Variants in HPD observed in about 807,000 individuals in gnomAD.
HPD encodes the protein 4-hydroxyphenylpyruvate dioxygenase.
In HPD, 35 loss-of-function variants were observed where a neutral mutation model predicts 56.9. The ratio of observed to expected loss-of-function variants is 0.62; its 90% CI spans 0.47 to 0.82. The LOEUF (loss-of-function observed/expected upper bound fraction) is 0.82. Ranked by LOEUF, HPD falls within the 40% of genes least tolerant of loss-of-function variation. The probability of loss-of-function intolerance (pLI) is 0.00; values close to 1 mark genes in which losing one functional copy is unlikely to be tolerated. For synonymous variants in HPD, 186 were observed against 200.2 expected (o/e 0.93, Z 0.60); for missense variants, 442 against 506.8 (o/e 0.87, Z 1.23).
intron 7 of HPD, among the ~76,000 whole-genome samples, chr12:121,853,967 A>G (rs1342502792): frequency 7.4e-6 from 1 of 135,110 alleles, no homozygotes; most frequent in Non-Finnish European, 1.6e-5. Context: ...AAAAAGAAAA[A>G]GGCCGGGCAC....
chr12:121,854,715 A>G lies in HPD; in HGVS notation c.402T>C (p.Ala134=). ...EQDKFGKVKF[A]VLQTYGDTTH... ...AAAGGGAACTCACCGTCTGCAGCAC[A>G]GCAAACTTCACCTTCCCAAACTTGT... The change falls in exon 7 of 14, where the codon GCT becomes GCC. Residue 134 remains alanine (A), a synonymous_variant. Coordinates refer to ENST00000289004, the MANE Select transcript of HPD (RefSeq NM_002150.3). The G allele has an allele frequency of 2.5e-6, 4 of 1,613,680 alleles. No homozygotes were observed. In the South Asian group the frequency reaches 4.4e-5, roughly 18 times the overall value.
the HPD span, among the ~76,000 whole-genome samples, chr12:121,885,295 G>A: frequency 6.6e-6 from 1 of 151,540 alleles, no homozygotes; most frequent in Middle Eastern, 3.2e-3. Flanking sequence ...TCTGCCTCCC[G>A]GATTCAAGTG....
Position 121,851,861 on chromosome 12 carries a change from T to C in HPD, c.415-2071A>G, listed in dbSNP as rs78333270. Among the ~76,000 whole-genome samples, 154 of 28,612 alleles carry C rather than the reference T, an allele frequency of 5.4e-3. 2 individuals carry two copies. Among genetic ancestry groups the C allele is most frequent in the Non-Finnish European group, 7.1e-3 (88 of 12,420 alleles). 18.8% of individuals were successfully genotyped at this position (28,612 alleles called of 152,430 possible). A position where few individuals can be genotyped will look rare whatever the true frequency, so the allele number is the denominator to read the frequency against. On this transcript the variant is annotated intron_variant, in intron 7 of 13. Coordinates refer to ENST00000289004, the MANE Select transcript of HPD (RefSeq NM_002150.3). ...AGTAGCTGGGACTACAGGCGCCCGC[T>C]ACCACGCCCGGCTACTTTTTTGTAT... is the stretch of plus-strand genomic sequence containing the variant.
In HPD at chr12:121,849,749, G is replaced by A; in HGVS notation, c.456C>T (p.Tyr152=). 6.2e-7 allele frequency: 1 copy of A among 1,614,004 alleles called. No homozygotes were observed. Among genetic ancestry groups the A allele is most frequent in the African/African-American group, 1.3e-5 (1 of 75,044 alleles). ...TTHTLVEKMN[Y]IGQFLPGYEA... is the part of the protein sequence containing the mutation. ...CATATCCAGGCAAGAATTGGCCGAT[G>A]TAGTTCATCTTCTCCACCAGGGTGT... Residue 152 remains tyrosine, a synonymous_variant, in exon 8 of 14, where the codon TAC becomes TAT. Coordinates refer to ENST00000289004, the MANE Select transcript of HPD (RefSeq NM_002150.3).
At chr12:121,858,077 C>T (rs953243952) in intron 2 of HPD, among the ~76,000 whole-genome samples, 14 of 152,150 alleles carry the variant, frequency 9.2e-5, no homozygotes, top group African/African-American at 3.4e-4. Context: ...TATGTTGCAG[C>T]AATATGGATT....
In HPD at chr12:121,847,183, A is replaced by G; in HGVS notation, c.628T>C (p.Trp210Arg). The change falls in exon 10 of 14, where the codon TGG (tryptophan) becomes CGG (arginine). Residue 210 changes from tryptophan to arginine, a missense_variant. By Grantham distance (101) the Trp-to-Arg change is moderately radical. Transcript: ENST00000289004. Reference protein sequence around the residue: ...YLKNLQFHRFWSVDDTQVHTE... With the variant: ...YLKNLQFHRFRSVDDTQVHTE... ...TGCACCTGCGTGTCATCCACGGACCAGAAGCGGTGGAACTGCAGGTTTTTC... is the reference window on the plus strand; with the variant it reads ...TGCACCTGCGTGTCATCCACGGACCGGAAGCGGTGGAACTGCAGGTTTTTC... The G allele has an allele frequency of 1.9e-6, 3 of 1,614,166 alleles. No individual in the cohort carries two copies. The highest frequency in any genetic ancestry group is 2.5e-6 in the Non-Finnish European group (3 of 1,180,008).
chr12:121,863,054 C>T (rs1166758166), upstream of HPD, among the ~76,000 whole-genome samples: 1 of 150,434 alleles, frequency 6.6e-6, no homozygotes, highest in African/African-American at 2.4e-5. Context: ...GTGATCTCTG[C>T]TCACTGCAAC....
At position 121,857,771 on chromosome 12, in the gene HPD, C is replaced by T. The variant is rs1239378501; in HGVS notation, c.79G>A (p.Gly27Ser). ...CCGGCTTCTACCTGCTTGGCGTTGC[C>T]AACCCAGAAGGTCACAGAGTGGAAG... ...LHFHSVTFWV[G>S]NAKQATSFYC... Residue 27 changes from glycine to serine, a missense_variant, in exon 3 of 14, where the codon GGC becomes AGC. By Grantham distance (56) the Gly-to-Ser change is moderately conservative. Transcript: ENST00000289004. The T allele has an allele frequency of 6.2e-7, 1 of 1,614,022 alleles. No homozygotes were observed. Among genetic ancestry groups the T allele is most frequent in the East Asian group, 2.2e-5 (1 of 44,868 alleles).
the HPD span, among the ~76,000 whole-genome samples, chr12:121,876,847 G>C: frequency 6.6e-6 from 1 of 152,092 alleles, no homozygotes. Context: ...TCTTTGGGAG[G>C]CTGAAGTGGG....
the HPD span, among the ~76,000 whole-genome samples, chr12:121,868,656 G>T: frequency 2.0e-5 from 3 of 151,828 alleles, no homozygotes; most frequent in Non-Finnish European, 2.9e-5. Context: ...AGTAGCCTGG[G>T]ATTACAGGCC....
At position 121,858,687 on chromosome 12, in the gene HPD, C is replaced by T; in HGVS notation, c.30G>A (p.Lys10=). 2 of 1,614,126 alleles carry T rather than the reference C, an allele frequency of 1.2e-6. No homozygotes were observed. The highest frequency in any genetic ancestry group is 1.7e-6 in the Non-Finnish European group (2 of 1,179,962). The change falls in exon 2 of 14, where the codon AAG becomes AAA. Residue 10 remains lysine, a splice_region_variant and synonymous_variant. Coordinates refer to ENST00000289004, the MANE Select transcript of HPD (RefSeq NM_002150.3). ...CATTTCCCACATTTCGCCTGCTTAC[C>T]TTTGCCCCTTTGTCACTGTAAGTCG... is the stretch of plus-strand genomic sequence containing the variant. The part of the protein sequence containing the change: MTTYSDKGA[K]PERGRFLHFH...
upstream of HPD, chr12:121,863,445 T>A (rs1189128927): frequency 6.6e-6 from 1 of 152,286 alleles, no homozygotes; most frequent in African/African-American, 2.4e-5. Flanking sequence ...TTGATCGTTG[T>A]GTCTGACTTT....
chr12:121,865,827 T>TA (rs1212665169), upstream of HPD, among the ~76,000 whole-genome samples: 1 of 150,558 alleles, frequency 6.6e-6, no homozygotes, highest in Admixed American at 6.7e-5. Flanking sequence ...CCATCTCTAC[T>TA]AAAAAAATAA....
At chr12:121,875,427 C>CT in the HPD span, among the ~76,000 whole-genome samples, 12,678 of 134,624 alleles carry the variant, frequency 0.094, 1,170 homozygotes, top group African/African-American at 0.23. Flanking sequence ...TTCTTTCTTT[C>CT]TTTTTTTTTT....
In HPD at chr12:121,845,595, C is replaced by T. The variant is rs562988119; in HGVS notation, c.831+1267G>A. On this transcript the variant is annotated intron_variant, in intron 11 of 13. Coordinates refer to ENST00000289004, the MANE Select transcript of HPD (RefSeq NM_002150.3). The stretch of plus-strand genomic sequence containing the variant: ...CAGCCTGGGCGACAGAGCCAGGCTC[C>T]GTCTCAAAAAAAAAAAAAAAAAAAA... Among the ~76,000 whole-genome samples, 860 of 124,236 alleles carry T rather than the reference C, an allele frequency of 6.9e-3. 14 individuals carry two copies. Among genetic ancestry groups the T allele is most frequent in the African/African-American group, 0.024 (812 of 33,148 alleles). The allele number at this position is 124,236 out of a possible 152,430, so 81.5% of individuals were successfully genotyped here. A position where few individuals can be genotyped will look rare whatever the true frequency, so the allele number is the denominator to read the frequency against.
chr12:121,866,406 G>A (rs919744897), upstream of HPD, among the ~76,000 whole-genome samples: 1 of 149,830 alleles, frequency 6.7e-6, no homozygotes, highest in African/African-American at 2.5e-5. Context: ...ACGGAGCAGT[G>A]TATATAAGTT....
Position 121,845,267 on chromosome 12 carries a change from A to AGAAG in HPD, c.832-1436_832-1435insCTTC, listed in dbSNP as rs1464478017. The stretch of plus-strand genomic sequence containing the variant: ...GTAACTAGAACCACAGGTGTGCACC[A>AGAAG]CCACACCTGGCTAATTTTTTGATTT... On this transcript the variant is annotated intron_variant, in intron 11 of 13. Transcript: ENST00000289004. Among the ~76,000 whole-genome samples, 2 of 148,850 alleles carry AGAAG rather than the reference A, an allele frequency of 1.3e-5. 1 individual carries two copies. Among genetic ancestry groups the AGAAG allele is most frequent in the African/African-American group, 5.2e-5 (2 of 38,622 alleles).
At chr12:121,853,209 G>C (rs529737518) in intron 7 of HPD, among the ~76,000 whole-genome samples, 73 of 152,238 alleles carry the variant, frequency 4.8e-4, no homozygotes, top group African/African-American at 1.4e-3. Context: ...GCACCAAGGA[G>C]AGTAGCTAAC....
chr12:121,879,505 T>TCTTCTCTTCTCTTC, the HPD span, among the ~76,000 whole-genome samples: 1 of 10,786 alleles, frequency 9.3e-5, no homozygotes, highest in Non-Finnish European at 2.3e-4. Flanking sequence ...CTCTTCTCTT[T>TCTTCTCTTCTCTTC]TTTCTTTTCT....
Sources: gnomAD v4.1 joint callset for allele counts (sites outside exome capture counted in the v4.1 genomes callset) on GRCh38, gnomAD v4.1.1 for gene constraint, MANE v1.5 for transcripts, NCBI Gene and HGNC (gene_info 2026-07-23, HGNC 2026-07-21) for gene names.